ZFYVE26: variants seen among roughly 807,000 people sequenced by gnomAD.
The protein encoded by ZFYVE26 is zinc finger FYVE-type containing 26.
Under a neutral mutation model 276.5 loss-of-function variants are expected in ZFYVE26, and 181 were observed. That is an observed-to-expected ratio of 0.65 (90% confidence interval 0.58 to 0.74). The LOEUF (loss-of-function observed/expected upper bound fraction) is 0.74. ZFYVE26 is among the 30% of genes least tolerant of loss of function. ZFYVE26 has a pLI of 0.00. For synonymous variants in ZFYVE26, 1,129 were observed against 1,203.1 expected (o/e 0.94, Z 1.27); for missense variants, 2,821 against 3,097.9 (o/e 0.91, Z 2.12).
chr14:67,752,773 G>A (rs1046122671), intron 39 of ZFYVE26, among the ~76,000 whole-genome samples: 3 of 152,084 alleles, frequency 2.0e-5, no homozygotes, highest in African/African-American at 7.2e-5. Flanking sequence ...CACTTGCTGC[G>A]GTGGCACTCA....
rs1311182724 is a variant in ZFYVE26, at chr14:67,777,747, G to C, written c.4798-12C>G. The C allele has an allele frequency of 6.2e-7, 1 of 1,614,190 alleles. No individual in the cohort carries two copies. Among genetic ancestry groups the C allele is most frequent in the Admixed American group, 1.7e-5 (1 of 60,026 alleles). ...ATTCTTCGCAGGAGCTATTGTCAAAGGGTAGAGGAGGAAGGTGTGGCCTGC... is the reference window on the plus strand; with the variant it reads ...ATTCTTCGCAGGAGCTATTGTCAAACGGTAGAGGAGGAAGGTGTGGCCTGC... On this transcript the variant is annotated splice_polypyrimidine_tract_variant and intron_variant, in intron 24 of 41. Coordinates refer to ENST00000347230, the MANE Select transcript of ZFYVE26 (RefSeq NM_015346.4).
intron 9 of ZFYVE26, among the ~76,000 whole-genome samples, chr14:67,802,653 A>G (rs2040101934): frequency 6.6e-6 from 1 of 152,124 alleles, no homozygotes; most frequent in Non-Finnish European, 1.5e-5. Context: ...GCCTTTTTGA[A>G]GTGTGCCCCA....
At chr14:67,792,710 G>A (rs1057258180) in intron 14 of ZFYVE26, among the ~76,000 whole-genome samples, 1 of 151,780 alleles carries the variant, frequency 6.6e-6, no homozygotes, top group African/African-American at 2.4e-5. Flanking sequence ...TCAGGAGTTT[G>A]AGACCAGCCT....
At chr14:67,783,887 A>G (rs1344951700) in intron 20 of ZFYVE26, among the ~76,000 whole-genome samples, 2 of 152,264 alleles carry the variant, frequency 1.3e-5, no homozygotes, top group Non-Finnish European at 1.5e-5. Context: ...CATATAAATC[A>G]TTTATGTATA....
intron 5 of ZFYVE26, among the ~76,000 whole-genome samples, chr14:67,807,149 G>T (rs1035750592): frequency 2.0e-5 from 3 of 152,084 alleles, no homozygotes; most frequent in African/African-American, 7.2e-5. Flanking sequence ...TCACTATGTT[G>T]CAGAGGCTTA....
chr14:67,791,299 A>G (rs969957454), intron 14 of ZFYVE26, among the ~76,000 whole-genome samples: 1 of 152,230 alleles, frequency 6.6e-6, no homozygotes, highest in African/African-American at 2.4e-5. Flanking sequence ...TTGGCACTAT[A>G]TATTACAACT....
rs778777314 is a variant in ZFYVE26 at position 67,767,824 on chromosome 14, C to T, written c.5670G>A (p.Lys1890=). 6.2e-7 allele frequency: 1 copy of T among 1,614,172 alleles called. No individual in the cohort carries two copies. Among genetic ancestry groups the T allele is most frequent in the South Asian group, 1.1e-5 (1 of 91,078 alleles). The change falls in exon 31 of 42, where the codon AAG becomes AAA. Residue 1890 remains lysine (K), a synonymous_variant. Transcript: ENST00000347230. ...CAAACGAGTATGGAGGGCTTTCATT[C>T]TTGGAGCTGTCTAGAGCTGAGAAGA... is the stretch of plus-strand genomic sequence containing the variant. ...SEKPEALDSS[K]NESPPYSFVV...
In ZFYVE26 at chr14:67,790,664, T is replaced by C. The variant is rs759516757; in HGVS notation, c.2663A>G (p.Glu888Gly). The C allele has an allele frequency of 1.1e-5, 17 of 1,614,102 alleles. No homozygotes were observed. The highest frequency in any genetic ancestry group is 3.3e-5 in the Admixed American group (2 of 60,010). ...QELAQVEHKI[E>G]NQNSDAGSST... is the part of the protein sequence containing the mutation. ...GCTACCCGCATCTGAGTTCTGGTTT[T>C]CAATCTTGTGCTCTACTTGGGCCAG... The change falls in exon 15 of 42, where the codon GAA becomes GGA. Residue 888 changes from glutamate to glycine, a missense_variant. Coordinates refer to ENST00000347230, the MANE Select transcript of ZFYVE26 (RefSeq NM_015346.4).
At chr14:67,798,949 C>T (rs891640182) in intron 10 of ZFYVE26, 6 of 1,128,574 alleles carry the variant, frequency 5.3e-6, no homozygotes, top group Admixed American at 5.2e-5. Flanking sequence ...CTTTATTTCT[C>T]GCGCCGCGGT....
At position 67,806,862 on chromosome 14, in the gene ZFYVE26, C is replaced by T. The variant is rs181575; in HGVS notation, c.887-187G>A. On this transcript the variant is annotated intron_variant, in intron 5 of 41. Coordinates refer to ENST00000347230, the MANE Select transcript of ZFYVE26 (RefSeq NM_015346.4). ...TTGGGAGCTTCAGAAAAGCTGTTTC[C>T]TGCTATTGCTATTACTTTATTTTTT... is the stretch of plus-strand genomic sequence containing the variant. Among the ~76,000 whole-genome samples, 84,906 of 152,106 alleles carry T rather than the reference C, an allele frequency of 0.56. 25,992 individuals carry two copies. Among genetic ancestry groups the T allele is most frequent in the East Asian group, 0.85 (4,418 of 5,188 alleles).
At position 67,801,977 on chromosome 14, in the gene ZFYVE26, A is replaced by G; in HGVS notation, c.1639+102T>C. The G allele has an allele frequency of 7.5e-6, 10 of 1,329,310 alleles. No homozygotes were observed. In the South Asian group the frequency reaches 1.1e-4, roughly 14 times the overall value. 82.3% of individuals were successfully genotyped at this position (1,329,310 alleles called of 1,614,324 possible). A position where few individuals can be genotyped will look rare whatever the true frequency, so the allele number is the denominator to read the frequency against. ...CCCTGGGTGAAATAAAACCAAGGCC[A>G]TCACCCCACTCCCAATCTTGGTGGA... On this transcript the variant is annotated intron_variant, in intron 10 of 41. Coordinates refer to ENST00000347230, the MANE Select transcript of ZFYVE26 (RefSeq NM_015346.4).
Position 67,802,306 on chromosome 14 carries a change from T to A in ZFYVE26, c.1436-24A>T. The stretch of plus-strand genomic sequence containing the variant: ...ATCTGAATTACAAAGAGAAACAGGC[T>A]GAACTTGAGAGTTAATTAATTCAGG... On this transcript the variant is annotated intron_variant, in intron 9 of 41. Coordinates refer to ENST00000347230, the MANE Select transcript of ZFYVE26 (RefSeq NM_015346.4). 3 of 1,612,410 alleles carry A rather than the reference T, an allele frequency of 1.9e-6. 1 individual carries two copies. The highest frequency in any genetic ancestry group is 8.5e-7 in the Non-Finnish European group (1 of 1,178,558).
intron 37 of ZFYVE26, among the ~76,000 whole-genome samples, chr14:67,754,470 G>A (rs1352275742): frequency 1.3e-5 from 2 of 152,206 alleles, no homozygotes; most frequent in African/African-American, 4.8e-5. Context: ...AGCATTTATT[G>A]AGCACCTATG....
intron 15 of ZFYVE26, 92 bp from the exon 16 acceptor site, chr14:67,789,690 G>A (rs1243903064): frequency 1.9e-6 from 3 of 1,538,798 alleles, no homozygotes; most frequent in African/African-American, 2.7e-5. Flanking sequence ...CAAAATGTTT[G>A]AGGTTCATCT....
chr14:67,737,125 C>G (rs2038362109), intron 13 of ZFYVE26, among the ~76,000 whole-genome samples: 1 of 129,140 alleles, frequency 7.7e-6, no homozygotes. Context: ...GACAAGGTCT[C>G]TCTCTGTTGC....
At chr14:67,729,569 T>C in exon 14 of ZFYVE26, 1 of 660,384 alleles carries the variant, frequency 1.5e-6, no homozygotes, top group South Asian at 1.7e-5. Flanking sequence ...TTGGGAAGAG[T>C]TGCTTTTCTG....
chr14:67,735,497 C>T lies in ZFYVE26; in HGVS notation n.2680-5678G>A. The T allele has an allele frequency of 7.0e-6, 4 of 569,584 alleles. No individual in the cohort carries two copies. In the South Asian group the frequency reaches 8.9e-5, roughly 13 times the overall value. The allele number at this position is 569,584 out of a possible 1,614,324, so 35.3% of individuals were successfully genotyped here. A position where few individuals can be genotyped will look rare whatever the true frequency, so the allele number is the denominator to read the frequency against. ...TGGCCGAGACACCGTTCGACCTTCC[C>T]ATCTTGGCTCCCTGAAATCCCCTGC... On this transcript the variant is annotated intron_variant and non_coding_transcript_variant, in intron 13 of 14. Transcript: ENST00000394455.
chr14:67,738,808 A>T (rs896270549), intron 13 of ZFYVE26, among the ~76,000 whole-genome samples: 9 of 152,202 alleles, frequency 5.9e-5, no homozygotes, highest in Non-Finnish European at 1.0e-4. Flanking sequence ...GTCACCCAGT[A>T]GTCATTCCCT....
At chr14:67,754,290 TA>T in intron 37 of ZFYVE26, 78 bp from the exon 38 acceptor site, 1 of 1,576,166 alleles carries the variant, frequency 6.3e-7, no homozygotes, top group Non-Finnish European at 8.7e-7. Context: ...AGAAGTCGAA[TA>T]ATATGGCAAT....
Sources: gnomAD v4.1 joint callset for allele counts (sites outside exome capture counted in the v4.1 genomes callset) on GRCh38, gnomAD v4.1.1 for gene constraint, MANE v1.5 for transcripts, NCBI Gene and HGNC (gene_info 2026-07-23, HGNC 2026-07-21) for gene names.